The following DDX6 variants were observed in gnomAD, a reference collection of about 807,000 sequenced individuals.
DDX6 encodes the protein DEAD-box helicase 6.
A neutral mutation model predicts 60.6 loss-of-function variants in DDX6; 7 were observed. The ratio of observed to expected loss-of-function variants is 0.12; its 90% CI spans 0.07 to 0.22. The LOEUF (loss-of-function observed/expected upper bound fraction) is 0.22, where lower values mean the gene tolerates loss of function less well. Ranked by LOEUF, DDX6 falls within the 10% of genes least tolerant of loss-of-function variation. The pLI, the probability that DDX6 is intolerant of heterozygous loss-of-function variation, is 1.00. For missense variants in DDX6, 270 were observed against 589.9 expected, an observed-to-expected ratio of 0.46 and a Z score of 5.62; for synonymous variants, 207 against 201.0, an observed-to-expected ratio of 1.03 and a Z score of -0.25.
intron 4 of DDX6, among the ~76,000 whole-genome samples, chr11:118,774,458 AAC>A (rs1255402238): frequency 2.1e-5 from 3 of 143,312 alleles, no homozygotes; most frequent in African/African-American, 5.0e-5. Flanking sequence ...CTAATTCTCT[AAC>A]AGTCTTTTTT....
At chr11:118,752,645 T>C (rs1555157711) in intron 13 of DDX6, among the ~76,000 whole-genome samples, 1 of 152,058 alleles carries the variant, frequency 6.6e-6, no homozygotes. Flanking sequence ...TAAGTAACAT[T>C]AGGTTACTTA....
intron 6 of DDX6, among the ~76,000 whole-genome samples, chr11:118,763,653 G>A (rs1861249182): frequency 6.6e-6 from 1 of 151,988 alleles, no homozygotes; most frequent in African/African-American, 2.4e-5. Context: ...GGCCAACACG[G>A]TGAAACCCTG....
intron 4 of DDX6, among the ~76,000 whole-genome samples, chr11:118,771,387 A>C (rs1439358002): frequency 6.6e-6 from 1 of 152,200 alleles, no homozygotes; most frequent in Non-Finnish European, 1.5e-5. Flanking sequence ...TACCCTACAA[A>C]AACTGTTCAA....
chr11:118,754,241 G>A (rs1462552656), intron 13 of DDX6, among the ~76,000 whole-genome samples: 3 of 152,186 alleles, frequency 2.0e-5, no homozygotes, highest in African/African-American at 7.2e-5. Context: ...ACCAGCCTAG[G>A]CAACAAAGCA....
intron 7 of DDX6, among the ~76,000 whole-genome samples, chr11:118,761,568 G>A (rs1591893498): frequency 6.6e-6 from 1 of 152,128 alleles, no homozygotes; most frequent in East Asian, 1.9e-4. Context: ...GGTGAGCTGA[G>A]ATCGCACCAC....
intron 8 of DDX6, 179 bp from the exon 9 acceptor site, chr11:118,759,081 A>T: frequency 1.3e-6 from 1 of 777,910 alleles, no homozygotes; most frequent in Non-Finnish European, 1.9e-6. Context: ...CCACCCTGAG[A>T]CAAAATCTTG....
intron 4 of DDX6, among the ~76,000 whole-genome samples, chr11:118,775,267 G>A (rs1555163385): frequency 6.6e-6 from 1 of 152,142 alleles, no homozygotes; most frequent in Non-Finnish European, 1.5e-5. Context: ...AGTAAGCCGA[G>A]AGCACACCAT....
Position 118,765,367 on chromosome 11 carries a change from T to C in DDX6, c.500-12A>G, listed in dbSNP as rs1555161095. The C allele has an allele frequency of 5.0e-6, 8 of 1,613,802 alleles. No individual in the cohort carries two copies. The highest frequency in any genetic ancestry group is 1.7e-5 in the Admixed American group (1 of 60,008). On this transcript the variant is annotated splice_polypyrimidine_tract_variant and intron_variant, in intron 5 of 13. Coordinates refer to ENST00000534980, the MANE Select transcript of DDX6 (RefSeq NM_004397.6). ...AACAATCACCATTGCTGAAACAGTA[T>C]CAAGGAATATATAAGAAAATATGGG... is the stretch of plus-strand genomic sequence containing the variant.
intron 7 of DDX6, among the ~76,000 whole-genome samples, chr11:118,760,398 G>A (rs77088122): frequency 0.041 from 6,210 of 152,230 alleles, 404 homozygotes; most frequent in African/African-American, 0.14. Flanking sequence ...AACTTCCTGG[G>A]CTCAAGTGAT....
At chr11:118,770,885 A>C (rs1197630712) in intron 4 of DDX6, among the ~76,000 whole-genome samples, 2 of 147,272 alleles carry the variant, frequency 1.4e-5, no homozygotes, top group Admixed American at 1.4e-4. Flanking sequence ...CAGTCTCACA[A>C]AAAAAAAAAA....
At chr11:118,761,602 ACT>A (rs1483928774) in intron 7 of DDX6, among the ~76,000 whole-genome samples, 8 of 149,890 alleles carry the variant, frequency 5.3e-5, no homozygotes, top group South Asian at 2.2e-4. Flanking sequence ...GGGCAACGAG[ACT>A]CTGTCTCAAA....
chr11:118,780,479 A>C (rs1861858633), intron 3 of DDX6, among the ~76,000 whole-genome samples: 1 of 151,846 alleles, frequency 6.6e-6, no homozygotes, highest in Non-Finnish European at 1.5e-5. Flanking sequence ...ACCACACCCG[A>C]CTAATTTTTG....
chr11:118,782,188 A>C (rs545576354), intron 2 of DDX6, among the ~76,000 whole-genome samples: 1 of 152,222 alleles, frequency 6.6e-6, no homozygotes, highest in Non-Finnish European at 1.5e-5. Flanking sequence ...ATAAATAAAT[A>C]AAACAAAATA....
At chr11:118,764,023 C>G (rs1861265635) in intron 6 of DDX6, among the ~76,000 whole-genome samples, 1 of 152,016 alleles carries the variant, frequency 6.6e-6, no homozygotes, top group Non-Finnish European at 1.5e-5. Flanking sequence ...CTGCTGCTTT[C>G]AACAGTAGGC....
At chr11:118,760,666 C>G (rs1274091078) in intron 7 of DDX6, among the ~76,000 whole-genome samples, 1 of 151,508 alleles carries the variant, frequency 6.6e-6, no homozygotes, top group East Asian at 1.9e-4. Flanking sequence ...ACTAAAAATA[C>G]AAAAATTAGC....
chr11:118,777,908 A>AAC (rs1211198332), intron 4 of DDX6, among the ~76,000 whole-genome samples: 3 of 151,014 alleles, frequency 2.0e-5, no homozygotes, highest in East Asian at 1.9e-4. Flanking sequence ...AAAAAAAAAA[A>AAC]AAAAAACCAA....
intron 3 of DDX6, 35 bp downstream of exon 3, chr11:118,781,086 A>T: frequency 2.1e-6 from 3 of 1,436,572 alleles, no homozygotes; most frequent in Non-Finnish European, 2.9e-6. Flanking sequence ...CTAGTTCCCC[A>T]CCATTATTCT....
chr11:118,767,981 C>A (rs1861412569), intron 5 of DDX6: 4 of 377,972 alleles, frequency 1.1e-5, no homozygotes, highest in Admixed American at 8.6e-5. Context: ...TCCTGTCTCA[C>A]TGGAATGCTG....
chr11:118,763,037 T>C (rs782587406), intron 7 of DDX6, among the ~76,000 whole-genome samples, 175 bp downstream of exon 7: 2 of 152,228 alleles, frequency 1.3e-5, no homozygotes, highest in African/African-American at 4.8e-5. Context: ...AATGAATGCC[T>C]ATAATCTACT....
Sources: allele counts gnomAD v4.1 joint callset (sites outside exome capture counted in the v4.1 genomes callset), GRCh38; gene constraint gnomAD v4.1.1; transcripts MANE v1.5; gene names NCBI Gene and HGNC (gene_info 2026-07-23, HGNC 2026-07-21).